Variants in RARB observed in about 807,000 individuals in gnomAD.
The protein encoded by RARB is retinoic acid receptor beta.
RARB carries 17 observed loss-of-function variants against 51.9 expected under a neutral mutation model. The ratio of observed to expected loss-of-function variants is 0.33; its 90% CI spans 0.22 to 0.49. The LOEUF (loss-of-function observed/expected upper bound fraction) is 0.49, where lower values mean the gene tolerates loss of function less well. Among genes scored for constraint, RARB ranks in the 20% least tolerant of loss-of-function variants. The pLI, the probability that RARB is intolerant of heterozygous loss-of-function variation, is 0.99. For synonymous variants in RARB, 215 were observed against 195.4 expected, an observed-to-expected ratio of 1.10 and a Z score of -0.84; for missense variants, 369 against 550.8, an observed-to-expected ratio of 0.67 and a Z score of 3.30.
At chr3:25,229,282 T>A (rs974328076) in intron 5 of RARB, among the ~76,000 whole-genome samples, 1 of 152,162 alleles carries the variant, frequency 6.6e-6, no homozygotes, top group Non-Finnish European at 1.5e-5. Flanking sequence ...TTTATTCACT[T>A]CTACGCATTT....
intron 2 of RARB, among the ~76,000 whole-genome samples, chr3:24,960,059 G>C (rs756886096): frequency 6.6e-6 from 1 of 152,146 alleles, no homozygotes; most frequent in African/African-American, 2.4e-5. Context: ...AATTGCAGCA[G>C]GGGAAAAGAT....
At chr3:25,568,308 C>T (rs894613317) in intron 3 of RARB, among the ~76,000 whole-genome samples, 1 of 152,204 alleles carries the variant, frequency 6.6e-6, no homozygotes, top group Non-Finnish European at 1.5e-5. Context: ...TTCTTAGCTT[C>T]TCCAAGACTC....
chr3:25,166,100 T>G (rs1447764811), intron 4 of RARB, among the ~76,000 whole-genome samples: 1 of 152,148 alleles, frequency 6.6e-6, no homozygotes, highest in Non-Finnish European at 1.5e-5. Flanking sequence ...CATTATTTCC[T>G]CTAAATTACT....
At chr3:25,125,567 AT>A (rs1205647468) in intron 3 of RARB, among the ~76,000 whole-genome samples, 1 of 152,170 alleles carries the variant, frequency 6.6e-6, no homozygotes. Flanking sequence ...TTTAAACAGT[AT>A]TGCTGGATTC....
chr3:25,493,125 A>G (rs922827192), intron 2 of RARB, among the ~76,000 whole-genome samples: 8 of 151,708 alleles, frequency 5.3e-5, no homozygotes, highest in African/African-American at 1.9e-4. Flanking sequence ...TGACTTGTTC[A>G]ATGTTCTTTT....
intron 5 of RARB, among the ~76,000 whole-genome samples, chr3:25,211,500 TAAAG>T (rs536802859): frequency 4.7e-4 from 72 of 152,356 alleles, no homozygotes; most frequent in Non-Finnish European, 8.1e-4. Flanking sequence ...AATTTATTAA[TAAAG>T]ATCAATAACA....
At chr3:25,438,764 C>A (rs144527242) in intron 1 of RARB, among the ~76,000 whole-genome samples, 470 of 152,234 alleles carry the variant, frequency 3.1e-3, no homozygotes, top group Non-Finnish European at 4.8e-3. Flanking sequence ...GTTTCATGCC[C>A]TAATAATCCC....
intron 1 of RARB, among the ~76,000 whole-genome samples, chr3:25,448,578 C>G: frequency 6.6e-6 from 1 of 152,116 alleles, no homozygotes; most frequent in East Asian, 1.9e-4. Flanking sequence ...AGCAATTCTC[C>G]TGCCTCAGCC....
chr3:25,250,379 G>A (rs928420208), intron 5 of RARB, among the ~76,000 whole-genome samples: 1 of 152,312 alleles, frequency 6.6e-6, no homozygotes, highest in South Asian at 2.1e-4. Context: ...ATGCTTGGGT[G>A]GGGGCAGCAG....
chr3:25,296,680 C>T (rs559398582), intron 5 of RARB, among the ~76,000 whole-genome samples: 1 of 152,192 alleles, frequency 6.6e-6, no homozygotes, highest in Non-Finnish European at 1.5e-5. Context: ...GGAGGGTCAA[C>T]TTATTCCCTG....
intron 2 of RARB, among the ~76,000 whole-genome samples, chr3:24,952,054 C>T (rs534146636): frequency 1.3e-5 from 2 of 152,232 alleles, no homozygotes; most frequent in African/African-American, 2.4e-5. Context: ...ATTAAAATAG[C>T]TTTCTCCATA....
chr3:25,384,861 A>C (rs2125482455), intron 5 of RARB, among the ~76,000 whole-genome samples: 1 of 152,372 alleles, frequency 6.6e-6, no homozygotes, highest in South Asian at 2.1e-4. Flanking sequence ...AAAGAAGATA[A>C]GAAATAAACT....
intron 2 of RARB, among the ~76,000 whole-genome samples, chr3:25,496,252 G>T (rs1432053626): frequency 6.6e-6 from 1 of 152,210 alleles, no homozygotes; most frequent in Non-Finnish European, 1.5e-5. Context: ...TATTCAGCTG[G>T]TGTGTCCCAG....
Position 25,285,674 on chromosome 3 carries a change from G to C in RARB, c.178+111099G>C, listed in dbSNP as rs540635075. Among the ~76,000 whole-genome samples, 4 of 152,316 alleles carry C rather than the reference G, an allele frequency of 2.6e-5. No individual in the cohort carries two copies. In the South Asian group the frequency reaches 8.3e-4, roughly 32 times the overall value. On this transcript the variant is annotated intron_variant, in intron 5 of 11. Coordinates refer to the RARB transcript ENST00000383772. ...AGAAACTTTTCAGGTGAAATAGACAGACTGGGTAACGAATTGGAGGGAATG... is the reference window on the plus strand; with the variant it reads ...AGAAACTTTTCAGGTGAAATAGACACACTGGGTAACGAATTGGAGGGAATG...
chr3:24,843,894 T>C (rs1702451457), intron 1 of RARB, among the ~76,000 whole-genome samples: 1 of 136,234 alleles, frequency 7.3e-6, no homozygotes, highest in Non-Finnish European at 1.6e-5. Flanking sequence ...TTTGGTGATT[T>C]GAGGGTACAC....
At chr3:25,149,144 A>G (rs1700242301) in intron 4 of RARB, among the ~76,000 whole-genome samples, 1 of 152,188 alleles carries the variant, frequency 6.6e-6, no homozygotes. Flanking sequence ...ACACATTTTG[A>G]TGAGAGAAGG....
chr3:25,158,713 G>C (rs1038823587), intron 4 of RARB, among the ~76,000 whole-genome samples: 1 of 152,068 alleles, frequency 6.6e-6, no homozygotes, highest in Non-Finnish European at 1.5e-5. Context: ...ACATAGATCT[G>C]CACATTTCAG....
At chr3:25,218,277 G>A (rs1036646126) in intron 5 of RARB, among the ~76,000 whole-genome samples, 7 of 152,084 alleles carry the variant, frequency 4.6e-5, no homozygotes, top group Non-Finnish European at 1.5e-5. Context: ...TGTGAGAGTC[G>A]CCAGCCTTGC....
At chr3:25,134,117 G>A (rs182487952) in intron 4 of RARB, among the ~76,000 whole-genome samples, 40 of 151,914 alleles carry the variant, frequency 2.6e-4, no homozygotes, top group Non-Finnish European at 3.7e-4. Context: ...TTTGTTAACC[G>A]AATCTCTTTG....
Sources: allele counts gnomAD v4.1 joint callset (sites outside exome capture counted in the v4.1 genomes callset), GRCh38; gene constraint gnomAD v4.1.1; transcripts MANE v1.5; gene names NCBI Gene and HGNC (gene_info 2026-07-23, HGNC 2026-07-21).